Variants in PARD3 observed in about 807,000 individuals in gnomAD.
PARD3 encodes the protein par-3 family cell polarity regulator.
PARD3 carries 75 observed loss-of-function variants against 155.4 expected under a neutral mutation model. The observed-to-expected ratio is 0.48, with a 90% confidence interval of 0.40 to 0.58. The LOEUF is 0.58. PARD3 is among the 20% of genes least tolerant of loss of function. PARD3 has a pLI of 0.00. For synonymous variants in PARD3, 576 were observed against 610.5 expected, an observed-to-expected ratio of 0.94 and a Z score of 0.83; for missense variants, 1,642 against 1,721.7, an observed-to-expected ratio of 0.95 and a Z score of 0.82.
In PARD3 at chr10:34,613,621, C is replaced by T. The variant is rs558426635; in HGVS notation, c.222+82697G>A. 2.6e-5 allele frequency among the ~76,000 whole-genome samples: 4 copies of T among 152,288 alleles called. No individual in the cohort carries two copies. The South Asian group carries it at 6.2e-4, about 24-fold the overall frequency. On this transcript the variant is annotated intron_variant, in intron 2 of 24. Coordinates refer to ENST00000374788, the MANE Select transcript of PARD3 (RefSeq NM_001184785.2). ...ATCCAGAGGATTCGCAAATGTGTGG[C>T]TTTCTTATTCATTCTGCCTATTATA...
At chr10:34,175,646 C>T (rs1364090399) in intron 22 of PARD3, among the ~76,000 whole-genome samples, 1 of 152,006 alleles carries the variant, frequency 6.6e-6, no homozygotes, top group African/African-American at 2.4e-5. Context: ...AAGTATCAGA[C>T]AATTTATAAT....
intron 1 of PARD3, among the ~76,000 whole-genome samples, chr10:34,734,226 A>G (rs2133833829): frequency 6.6e-6 from 1 of 151,686 alleles, no homozygotes; most frequent in Admixed American, 6.6e-5. Flanking sequence ...TCAACAAAGC[A>G]CTACAAAAAG....
chr10:34,320,023 C>T (rs970161651), intron 19 of PARD3, among the ~76,000 whole-genome samples: 3 of 152,138 alleles, frequency 2.0e-5, no homozygotes, highest in African/African-American at 7.2e-5. Context: ...TTTATTATTG[C>T]ACTTCTCATA....
intron 19 of PARD3, among the ~76,000 whole-genome samples, chr10:34,323,133 G>A (rs1467445637): frequency 6.6e-6 from 1 of 152,140 alleles, no homozygotes; most frequent in Non-Finnish European, 1.5e-5. Context: ...AATCAAGAAC[G>A]CTGGGGACAT....
At chr10:34,336,344 C>A in intron 17 of PARD3, 101 bp from the exon 18 acceptor site, 2 of 803,820 alleles carry the variant, frequency 2.5e-6, no homozygotes, top group Non-Finnish European at 4.2e-6. Context: ...CGATCCTCAG[C>A]TAATATTTCA....
chr10:34,222,609 A>G (rs1952363911), intron 22 of PARD3, among the ~76,000 whole-genome samples: 1 of 152,206 alleles, frequency 6.6e-6, no homozygotes, highest in Non-Finnish European at 1.5e-5. Flanking sequence ...TGTGGTTCTC[A>G]CCTATGTGAA....
chr10:34,559,027 T>C (rs773926664), intron 2 of PARD3, among the ~76,000 whole-genome samples: 1 of 151,944 alleles, frequency 6.6e-6, no homozygotes, highest in African/African-American at 2.4e-5. Flanking sequence ...TTCATTAGAA[T>C]TGAAAACTCA....
At chr10:34,552,999 A>ATT (rs1431322817) in intron 2 of PARD3, among the ~76,000 whole-genome samples, 2 of 152,228 alleles carry the variant, frequency 1.3e-5, no homozygotes, top group African/African-American at 4.8e-5. Flanking sequence ...CAGCCACTTC[A>ATT]AATACTCAAA....
chr10:34,529,992 C>T (rs1250309777), intron 2 of PARD3, among the ~76,000 whole-genome samples: 6 of 152,120 alleles, frequency 3.9e-5, no homozygotes, highest in African/African-American at 1.4e-4. Flanking sequence ...GCCTCAGCCT[C>T]CCAAAGTGCT....
At chr10:34,556,442 G>A (rs548874921) in intron 2 of PARD3, among the ~76,000 whole-genome samples, 2 of 150,342 alleles carry the variant, frequency 1.3e-5, no homozygotes, top group East Asian at 3.9e-4. Context: ...GAGTGCAGTG[G>A]CGAGATCTCC....
At chr10:34,649,579 T>C (rs879850837) in intron 2 of PARD3, among the ~76,000 whole-genome samples, 1 of 152,214 alleles carries the variant, frequency 6.6e-6, no homozygotes, top group African/African-American at 2.4e-5. Context: ...TGAATGGAGC[T>C]TGCGGGACTG....
intron 7 of PARD3, among the ~76,000 whole-genome samples, chr10:34,392,015 G>A (rs1200967469): frequency 6.6e-6 from 1 of 152,104 alleles, no homozygotes; most frequent in Non-Finnish European, 1.5e-5. Context: ...AAATTAGCCA[G>A]GCATAGTGGT....
At chr10:34,228,869 G>GT (rs1952764036) in intron 22 of PARD3, among the ~76,000 whole-genome samples, 1 of 152,028 alleles carries the variant, frequency 6.6e-6, no homozygotes. Context: ...TCTGAGGCAG[G>GT]TAACTCTGGG....
chr10:34,240,895 G>A (rs953143878), intron 22 of PARD3, among the ~76,000 whole-genome samples: 4 of 152,076 alleles, frequency 2.6e-5, no homozygotes, highest in African/African-American at 7.2e-5. Flanking sequence ...ACAAAGAGAC[G>A]CTCAGGGGTG....
chr10:34,381,234 T>C (rs1841789103), intron 9 of PARD3, among the ~76,000 whole-genome samples: 1 of 152,142 alleles, frequency 6.6e-6, no homozygotes. Flanking sequence ...ATGGAAAACA[T>C]ACTAGTAAGA....
chr10:34,303,872 AAC>A (rs1380602056), intron 20 of PARD3, among the ~76,000 whole-genome samples: 6 of 152,176 alleles, frequency 3.9e-5, no homozygotes, highest in Admixed American at 3.9e-4. Context: ...AAAAACTGCT[AAC>A]ACAGTCTGCG....
rs560462096 is a variant in PARD3 at position 34,773,517 on chromosome 10, A to T, written c.120+41359T>A. On this transcript the variant is annotated intron_variant, in intron 1 of 24. Coordinates refer to ENST00000374788, the MANE Select transcript of PARD3 (RefSeq NM_001184785.2). Reference sequence around the variant, plus strand: ...TGCAAGGGCATGAACATTTTTGTAGATCTTGATAATCATGCCAAATTGCTG... The same window carrying T: ...TGCAAGGGCATGAACATTTTTGTAGTTCTTGATAATCATGCCAAATTGCTG... 2.6e-5 allele frequency among the ~76,000 whole-genome samples: 4 copies of T among 152,342 alleles called. No homozygotes were observed. In the South Asian group the frequency reaches 8.3e-4, roughly 32 times the overall value.
chr10:34,288,114 G>A (rs1236771852), intron 20 of PARD3, among the ~76,000 whole-genome samples: 2 of 152,164 alleles, frequency 1.3e-5, no homozygotes, highest in African/African-American at 2.4e-5. Flanking sequence ...AAGGGGCTGA[G>A]GTGTAAGGAC....
chr10:34,782,831 A>G (rs1365967253), intron 1 of PARD3, among the ~76,000 whole-genome samples: 1 of 151,922 alleles, frequency 6.6e-6, no homozygotes, highest in African/African-American at 2.4e-5. Context: ...GGTTCCAGCA[A>G]TTCTCCTGCC....
Sources: gnomAD v4.1 joint callset for allele counts (sites outside exome capture counted in the v4.1 genomes callset) on GRCh38, gnomAD v4.1.1 for gene constraint, MANE v1.5 for transcripts, NCBI Gene and HGNC (gene_info 2026-07-23, HGNC 2026-07-21) for gene names.